Variants in PGM2L1 observed in about 807,000 individuals in gnomAD.
PGM2L1 encodes glucose 1,6-bisphosphate synthase.
Under a neutral mutation model 73.4 loss-of-function variants are expected in PGM2L1, and 35 were observed. The ratio of observed to expected loss-of-function variants is 0.48; its 90% CI spans 0.36 to 0.63. The LOEUF is 0.63. Ranked by LOEUF, PGM2L1 falls within the 30% of genes least tolerant of loss-of-function variation. The probability of loss-of-function intolerance (pLI) is 0.00; values close to 1 mark genes in which losing one functional copy is unlikely to be tolerated. For synonymous variants in PGM2L1, 225 were observed against 253.8 expected, an observed-to-expected ratio of 0.89 and a Z score of 1.08; for missense variants, 570 against 742.0, an observed-to-expected ratio of 0.77 and a Z score of 2.69.
At position 74,371,859 on chromosome 11, in the gene PGM2L1, T is replaced by G. The variant is rs140651763; in HGVS notation, c.280-42A>C. The G allele has an allele frequency of 1.8e-4, 253 of 1,444,356 alleles. No individual in the cohort carries two copies. In the African/African-American group the frequency reaches 2.9e-3, roughly 16 times the overall value. The allele number at this position is 1,444,356 out of a possible 1,614,324, so 89.5% of individuals were successfully genotyped here. A position where few individuals can be genotyped will look rare whatever the true frequency, so the allele number is the denominator to read the frequency against. On this transcript the variant is annotated intron_variant, in intron 2 of 13. Transcript: ENST00000298198. ...CAAAAGATTAGTTCTAATGGATGCT[T>G]GCATTTCATATGACTCAGAATCTCT...
chr11:74,341,673 C>T lies in PGM2L1; in HGVS notation c.1632+788G>A, dbSNP rs1469674815. Among the ~76,000 whole-genome samples, 13 of 117,216 alleles carry T rather than the reference C, an allele frequency of 1.1e-4. No homozygotes were observed. The Admixed American group carries it at 1.3e-3, about 12-fold the overall frequency. The allele number at this position is 117,216 out of a possible 152,430, so 76.9% of individuals were successfully genotyped here. ...TGCCACTGCACTCCAGCCTGGTAGA[C>T]AGAGCGAGACACTGTCTCAAGGAAA... On this transcript the variant is annotated intron_variant, in intron 12 of 13. Coordinates refer to ENST00000298198, the MANE Select transcript of PGM2L1 (RefSeq NM_173582.6).
At chr11:74,359,992 G>A (rs1216359945) in intron 5 of PGM2L1, among the ~76,000 whole-genome samples, 1 of 152,140 alleles carries the variant, frequency 6.6e-6, no homozygotes, top group Non-Finnish European at 1.5e-5. Flanking sequence ...GGGGATGGGG[G>A]TGAGAAGGGT....
chr11:74,345,202 A>C (rs778563804), intron 9 of PGM2L1, among the ~76,000 whole-genome samples: 4 of 152,182 alleles, frequency 2.6e-5, no homozygotes, highest in Non-Finnish European at 5.9e-5. Context: ...CCTGTCTGAA[A>C]ACCAGATATT....
chr11:74,353,110 T>C (rs1033441370), intron 5 of PGM2L1, among the ~76,000 whole-genome samples: 1 of 152,170 alleles, frequency 6.6e-6, no homozygotes, highest in Non-Finnish European at 1.5e-5. Flanking sequence ...ACACAGAAAC[T>C]GCCCCCAGTC....
At chr11:74,341,882 G>C (rs1862188153) in intron 12 of PGM2L1, among the ~76,000 whole-genome samples, 2 of 152,082 alleles carry the variant, frequency 1.3e-5, no homozygotes, top group South Asian at 4.1e-4. Flanking sequence ...GGAGTTCGTG[G>C]AACCAAGGGT....
chr11:74,352,765 G>A (rs561387370), intron 5 of PGM2L1, among the ~76,000 whole-genome samples: 2 of 152,274 alleles, frequency 1.3e-5, no homozygotes, highest in South Asian at 2.1e-4. Context: ...GGAAAGGGAC[G>A]ACTCCAGGCA....
intron 1 of PGM2L1, among the ~76,000 whole-genome samples, chr11:74,393,740 T>G (rs749253369): frequency 6.6e-6 from 1 of 152,168 alleles, no homozygotes; most frequent in African/African-American, 2.4e-5. Flanking sequence ...TATAGGAAGT[T>G]CAACACCTTT....
At chr11:74,382,922 A>T (rs1862967495) in intron 1 of PGM2L1, among the ~76,000 whole-genome samples, 1 of 152,230 alleles carries the variant, frequency 6.6e-6, no homozygotes, top group African/African-American at 2.4e-5. Flanking sequence ...GGAATGGGAC[A>T]TATAGGTGCA....
At chr11:74,343,560 C>A in intron 9 of PGM2L1, 144 bp from the exon 10 acceptor site, 1 of 1,253,746 alleles carries the variant, frequency 8.0e-7, no homozygotes, top group Non-Finnish European at 1.1e-6. Context: ...CAGTAGCAGA[C>A]ATATAGTAAT....
chr11:74,359,756 T>TGTGGACTA (rs148204988), intron 5 of PGM2L1, among the ~76,000 whole-genome samples: 3,924 of 152,250 alleles, frequency 0.026, 163 homozygotes, highest in African/African-American at 0.09. Context: ...TTTATATATG[T>TGTGGACTA]GTGGACTATC....
chr11:74,368,303 T>C (rs1028129894), intron 5 of PGM2L1, among the ~76,000 whole-genome samples, 189 bp downstream of exon 5: 8 of 152,214 alleles, frequency 5.3e-5, no homozygotes, highest in Admixed American at 1.3e-4. Context: ...ATTTTTGTAA[T>C]TGTACACATT....
intron 1 of PGM2L1, among the ~76,000 whole-genome samples, chr11:74,388,847 T>C (rs658126): frequency 0.95 from 144,994 of 152,226 alleles, 69,494 homozygotes; most frequent in African/African-American, 0.98. Context: ...TAACTCCCGA[T>C]ACTAGAGGGC....
At chr11:74,352,562 T>C (rs1232736881) in intron 5 of PGM2L1, among the ~76,000 whole-genome samples, 2 of 152,190 alleles carry the variant, frequency 1.3e-5, no homozygotes, top group African/African-American at 4.8e-5. Flanking sequence ...CTACCATGCA[T>C]ATGACACAAA....
At chr11:74,344,660 G>A (rs1862235237) in intron 9 of PGM2L1, among the ~76,000 whole-genome samples, 1 of 152,120 alleles carries the variant, frequency 6.6e-6, no homozygotes, top group African/African-American at 2.4e-5. Flanking sequence ...GTGGTCTTTA[G>A]AATTGTTCTT....
intron 1 of PGM2L1, 92 bp from the exon 2 acceptor site, chr11:74,374,674 G>T: frequency 1.9e-6 from 2 of 1,061,378 alleles, no homozygotes; most frequent in Non-Finnish European, 2.7e-6. Context: ...CATATCACAA[G>T]GTTCAACATT....
At chr11:74,382,176 G>A (rs73554623) in intron 1 of PGM2L1, among the ~76,000 whole-genome samples, 4,255 of 152,240 alleles carry the variant, frequency 0.028, 191 homozygotes, top group African/African-American at 0.098. Flanking sequence ...AAACTTAATG[G>A]TTTCAATCAA....
At position 74,338,609 on chromosome 11, in the gene PGM2L1, A is replaced by G; in HGVS notation, c.1633-8T>C. On this transcript the variant is annotated splice_region_variant and splice_polypyrimidine_tract_variant and intron_variant, in intron 12 of 13. Transcript: ENST00000298198. ...TTTACTCACAGGCAGCACCTATGCA[A>G]AATGGCAACAACAGCTTAATTATAC... 1 of 1,580,102 alleles carries G rather than the reference A, an allele frequency of 6.3e-7. No homozygotes were observed. Among genetic ancestry groups the G allele is most frequent in the South Asian group, 1.1e-5 (1 of 88,116 alleles).
chr11:74,390,904 A>T (rs1454865111), intron 1 of PGM2L1, among the ~76,000 whole-genome samples: 8 of 152,234 alleles, frequency 5.3e-5, no homozygotes, highest in African/African-American at 1.9e-4. Context: ...TAGATTAGTC[A>T]AATTCATAGA....
chr11:74,362,428 A>C (rs1053590563), intron 5 of PGM2L1, among the ~76,000 whole-genome samples: 1 of 152,224 alleles, frequency 6.6e-6, no homozygotes, highest in Non-Finnish European at 1.5e-5. Flanking sequence ...GGTACCAGCC[A>C]CTGCAAAAAC....
Sources: gnomAD v4.1 joint callset for allele counts (sites outside exome capture counted in the v4.1 genomes callset) on GRCh38, gnomAD v4.1.1 for gene constraint, MANE v1.5 for transcripts, NCBI Gene and HGNC (gene_info 2026-07-23, HGNC 2026-07-21) for gene names.